Variants in RAB2B observed in about 807,000 individuals in gnomAD.
The protein encoded by RAB2B is ras-related protein Rab-2B.
Under a neutral mutation model 29.8 loss-of-function variants are expected in RAB2B, and 20 were observed. That is an observed-to-expected ratio of 0.67 (90% CI 0.47 to 0.97). The LOEUF is 0.97. RAB2B is among the 50% of genes least tolerant of loss of function. RAB2B has a pLI of 0.00. For synonymous variants in RAB2B, 93 were observed against 91.7 expected, an observed-to-expected ratio of 1.01 and a Z score of -0.08; for missense variants, 218 against 272.0, an observed-to-expected ratio of 0.80 and a Z score of 1.40.
At chr14:21,475,001 C>A in intron 2 of RAB2B, 67 bp from the exon 3 acceptor site, 1 of 1,259,750 alleles carries the variant, frequency 7.9e-7, no homozygotes. Context: ...GTGGGAGGTT[C>A]CTGCCTTTCC....
chr14:21,476,254 T>A, intron 2 of RAB2B: 1 of 383,170 alleles, frequency 2.6e-6, no homozygotes, highest in Non-Finnish European at 4.7e-6. Flanking sequence ...TTCGTGGGAT[T>A]TTCCATAAAC....
rs755599325 is a variant in RAB2B at position 21,474,916 on chromosome 14, C to G, written c.137G>C (p.Arg46Pro). 3 of 1,613,978 alleles carry G rather than the reference C, an allele frequency of 1.9e-6. No individual in the cohort carries two copies. The highest frequency in any genetic ancestry group is 3.3e-5 in the Admixed American group (2 of 60,018). Residue 46 changes from arginine to proline, a missense_variant, in exon 3 of 8, where the codon CGT (arginine) becomes CCT (proline). Transcript: ENST00000397762. ...TTGTTTTCCATCAATGTTGACCATA[C>G]GAGCTCCAAACTCCACACCTGTCGG... ...DLTIGVEFGA[R>P]MVNIDGKQIK...
chr14:21,463,878 G>A, intron 5 of RAB2B, 111 bp from the exon 6 acceptor site: 1 of 668,994 alleles, frequency 1.5e-6, no homozygotes, highest in East Asian at 2.6e-5. Flanking sequence ...ATTTCATAAA[G>A]AATGTAGATC....
rs1371412611 is a variant in RAB2B at position 21,460,631 on chromosome 14, G to C, written c.*565C>G. On this transcript the variant is annotated 3_prime_UTR_variant, in exon 8 of 8. Transcript: ENST00000397762. ...GAAAAAAAAAATTATTTATTTATTT[G>C]AGACAGAGTTTTGCTCTTGTTGCCC... 6.8e-6 allele frequency: 1 copy of C among 147,988 alleles called. No homozygotes were observed. Among genetic ancestry groups the C allele is most frequent in the Non-Finnish European group, 1.5e-5 (1 of 68,288 alleles). The allele number at this position is 147,988 out of a possible 1,614,324, so 9.2% of individuals were successfully genotyped here. A position where few individuals can be genotyped will look rare whatever the true frequency, so the allele number is the denominator to read the frequency against.
At chr14:21,463,086 C>T (rs1890601853) in intron 6 of RAB2B, among the ~76,000 whole-genome samples, 1 of 152,012 alleles carries the variant, frequency 6.6e-6, no homozygotes, top group African/African-American at 2.4e-5. Context: ...GACACTCCAA[C>T]CAGAGTGATT....
intron 5 of RAB2B, among the ~76,000 whole-genome samples, chr14:21,465,115 C>T (rs1890657899): frequency 6.6e-6 from 1 of 152,076 alleles, no homozygotes; most frequent in Non-Finnish European, 1.5e-5. Context: ...TTTCCAACTC[C>T]TTGGAAAAAA....
rs755165823 is a variant in RAB2B, at chr14:21,468,318, G to A, written c.362+39C>T. On this transcript the variant is annotated intron_variant, in intron 5 of 7. Transcript: ENST00000397762. ...ATCAATGTGCATAGAGTACCTAGAT[G>A]ACTCCTGTTAACTATTATTCACATG... is the stretch of plus-strand genomic sequence containing the variant. 1.4e-5 allele frequency: 21 copies of A among 1,464,920 alleles called. No homozygotes were observed. In the Middle Eastern group the frequency reaches 6.9e-4, roughly 48 times the overall value. 90.7% of individuals were successfully genotyped at this position (1,464,920 alleles called of 1,614,324 possible). A position where few individuals can be genotyped will look rare whatever the true frequency, so the allele number is the denominator to read the frequency against.
At chr14:21,475,735 T>C (rs769698830) in intron 2 of RAB2B, among the ~76,000 whole-genome samples, 1 of 152,244 alleles carries the variant, frequency 6.6e-6, no homozygotes, top group Non-Finnish European at 1.5e-5. Flanking sequence ...TACCTTTTAG[T>C]TGATACTGCC....
rs1238862574 is a variant in RAB2B, at chr14:21,459,473, A to G, written c.*1723T>C. ...TGTCAGTCAAATTCAATGAACACATAATGAGTAGCACTAGGCACTGTAAAG... is the reference window on the plus strand; with the variant it reads ...TGTCAGTCAAATTCAATGAACACATGATGAGTAGCACTAGGCACTGTAAAG... On this transcript the variant is annotated 3_prime_UTR_variant, in exon 8 of 8. Transcript: ENST00000397762. The G allele has an allele frequency of 6.6e-6, 1 of 152,204 alleles. No homozygotes were observed. Among genetic ancestry groups the G allele is most frequent in the Admixed American group, 6.5e-5 (1 of 15,280 alleles). The allele number at this position is 152,204 out of a possible 1,614,324, so 9.4% of individuals were successfully genotyped here.
Position 21,460,317 on chromosome 14 carries a change from G to T in RAB2B, c.*879C>A, listed in dbSNP as rs1890512627. On this transcript the variant is annotated 3_prime_UTR_variant, in exon 8 of 8. Transcript: ENST00000397762. Reference sequence around the variant, plus strand: ...AAATTATTTATTTAGGCCAGGCACGGTGGCTCACACCTGTAATCCAGCACT... The same window carrying T: ...AAATTATTTATTTAGGCCAGGCACGTTGGCTCACACCTGTAATCCAGCACT... 1.9e-6 allele frequency: 1 copy of T among 516,684 alleles called. No homozygotes were observed. Among genetic ancestry groups the T allele is most frequent in the African/African-American group, 1.9e-5 (1 of 51,834 alleles). 32.0% of individuals were successfully genotyped at this position (516,684 alleles called of 1,614,324 possible). A position where few individuals can be genotyped will look rare whatever the true frequency, so the allele number is the denominator to read the frequency against.
At chr14:21,471,104 C>G (rs1706160350) in intron 3 of RAB2B, among the ~76,000 whole-genome samples, 1 of 150,976 alleles carries the variant, frequency 6.6e-6, no homozygotes, top group Non-Finnish European at 1.5e-5. Flanking sequence ...GCCCGGGAGG[C>G]AGAGGCTGCA....
At chr14:21,461,857 G>A (rs570750842) in intron 7 of RAB2B, among the ~76,000 whole-genome samples, 13 of 152,276 alleles carry the variant, frequency 8.5e-5, no homozygotes, top group Non-Finnish European at 1.5e-4. Context: ...AGCATGAGCC[G>A]CCACACCTGG....
intron 2 of RAB2B, 190 bp downstream of exon 2, chr14:21,476,338 T>C (rs764703187): frequency 2.0e-4 from 122 of 607,336 alleles, no homozygotes; most frequent in Non-Finnish European, 3.2e-4. Flanking sequence ...CTTTCAATTA[T>C]ATACTCTCCC....
At position 21,461,260 on chromosome 14, in the gene RAB2B, G is replaced by A. The variant is rs750423406; in HGVS notation, c.587C>T (p.Ser196Leu). 1 of 1,613,876 alleles carries A rather than the reference G, an allele frequency of 6.2e-7. No individual in the cohort carries two copies. Among genetic ancestry groups the A allele is most frequent in the Non-Finnish European group, 8.5e-7 (1 of 1,179,858 alleles). Reference protein sequence around the residue: ...KIGPQQSISTSVGPSASQRNS... With the variant: ...KIGPQQSISTLVGPSASQRNS... ...CCGCTGGGAGGCACTGGGTCCCACTGATGTTGAAATTGACTGTTGGGGCCC... is the reference window on the plus strand; with the variant it reads ...CCGCTGGGAGGCACTGGGTCCCACTAATGTTGAAATTGACTGTTGGGGCCC... The change falls in exon 8 of 8, where the codon TCA becomes TTA. Residue 196 changes from serine (S) to leucine (L), a missense_variant. Ser to Leu is a moderately radical substitution (Grantham distance 145, BLOSUM62 -2). Coordinates refer to ENST00000397762, the MANE Select transcript of RAB2B (RefSeq NM_032846.4).
rs1339999523 is a variant in RAB2B, at chr14:21,460,973, G to C, written c.*223C>G. The stretch of plus-strand genomic sequence containing the variant: ...TTGATCCTAACAATTTAAGAAATTT[G>C]TATAGGAGGATAAGAAGAACCCTAA... On this transcript the variant is annotated 3_prime_UTR_variant, in exon 8 of 8. Transcript: ENST00000397762. The C allele has an allele frequency of 2.8e-6, 1 of 359,808 alleles. No homozygotes were observed. Among genetic ancestry groups the C allele is most frequent in the African/African-American group, 2.1e-5 (1 of 47,182 alleles). 22.3% of individuals were successfully genotyped at this position (359,808 alleles called of 1,614,324 possible). A position where few individuals can be genotyped will look rare whatever the true frequency, so the allele number is the denominator to read the frequency against.
In RAB2B at chr14:21,474,939, C is replaced by A; in HGVS notation, c.119-5G>T. 6.8e-6 allele frequency: 11 copies of A among 1,613,056 alleles called. No individual in the cohort carries two copies. Among genetic ancestry groups the A allele is most frequent in the Non-Finnish European group, 9.3e-6 (11 of 1,179,128 alleles). ...TACGAGCTCCAAACTCCACACCTGTCGGTAAAGACCGAGAGAAAGAATGTG... is the reference window on the plus strand; with the variant it reads ...TACGAGCTCCAAACTCCACACCTGTAGGTAAAGACCGAGAGAAAGAATGTG... On this transcript the variant is annotated splice_polypyrimidine_tract_variant and splice_region_variant and intron_variant, in intron 2 of 7. Coordinates refer to ENST00000397762, the MANE Select transcript of RAB2B (RefSeq NM_032846.4).
chr14:21,476,948 C>A lies in RAB2B; in HGVS notation c.-76G>T. 1.3e-6 allele frequency: 2 copies of A among 1,503,172 alleles called. No individual in the cohort carries two copies. The highest frequency in any genetic ancestry group is 9.2e-7 in the Non-Finnish European group (1 of 1,083,454). 93.1% of individuals were successfully genotyped at this position (1,503,172 alleles called of 1,614,324 possible). ...CCTCCGACCTCTCTAGCCACTCAATCTACCGATCTTCTTCTTCTCCCCCTT... is the reference window on the plus strand; with the variant it reads ...CCTCCGACCTCTCTAGCCACTCAATATACCGATCTTCTTCTTCTCCCCCTT... On this transcript the variant is annotated 5_prime_UTR_variant, in exon 1 of 8. Transcript: ENST00000397762.
intron 7 of RAB2B, 26 bp from the exon 8 acceptor site, chr14:21,461,329 C>A: frequency 6.5e-7 from 1 of 1,541,184 alleles, no homozygotes; most frequent in Non-Finnish European, 9.0e-7. Flanking sequence ...GGCAATAGTT[C>A]CCACCTCAGT....
intron 5 of RAB2B, among the ~76,000 whole-genome samples, chr14:21,467,073 C>G (rs1306648125): frequency 1.3e-5 from 2 of 151,456 alleles, no homozygotes; most frequent in African/African-American, 4.9e-5. Flanking sequence ...CGCCTGGCTA[C>G]TTTTTGTATT....
Sources: gnomAD v4.1 joint callset for allele counts (sites outside exome capture counted in the v4.1 genomes callset) on GRCh38, gnomAD v4.1.1 for gene constraint, MANE v1.5 for transcripts, NCBI Gene and HGNC (gene_info 2026-07-23, HGNC 2026-07-21) for gene names.